PDE4D: variants seen among roughly 807,000 people sequenced by gnomAD.
The protein encoded by PDE4D is phosphodiesterase 4D, also known as 3',5'-cyclic-AMP phosphodiesterase 4D.
In PDE4D, 24 loss-of-function variants were observed where a neutral mutation model predicts 87.4. The observed-to-expected ratio is 0.27, with a 90% CI of 0.20 to 0.39. The LOEUF is 0.39. Ranked by LOEUF, PDE4D falls within the 10% of genes least tolerant of loss-of-function variation. PDE4D has a pLI of 1.00. For synonymous variants in PDE4D, 384 were observed against 383.2 expected (o/e 1.00, Z -0.02); for missense variants, 714 against 1,041.0 (o/e 0.69, Z 4.32).
chr5:59,683,360 A>G (rs1201039481), intron 1 of PDE4D, among the ~76,000 whole-genome samples: 2 of 152,236 alleles, frequency 1.3e-5, no homozygotes, highest in Admixed American at 6.5e-5. Flanking sequence ...GCCACTTTAC[A>G]GTAAATCTGA....
In PDE4D at chr5:60,420,146, A is replaced by G. The variant is rs969492412; in HGVS notation, c.-90+67796T>C. ...AATGCTGGAAGAAGAATAGTACTAG[A>G]CATCATTGCAGTTCAGGTCCTATGG... is the stretch of plus-strand genomic sequence containing the variant. On this transcript the variant is annotated intron_variant, in intron 1 of 16. Transcript: ENST00000502484. Among the ~76,000 whole-genome samples the G allele has an allele frequency of 5.3e-5, 8 of 152,308 alleles. 1 individual carries two copies. The East Asian group carries it at 1.4e-3, about 26-fold the overall frequency.
chr5:60,405,014 C>T (rs936125610), intron 1 of PDE4D, among the ~76,000 whole-genome samples: 2 of 152,222 alleles, frequency 1.3e-5, no homozygotes, highest in Non-Finnish European at 2.9e-5. Flanking sequence ...AATGAAAGAA[C>T]AATAGAGCCT....
In PDE4D at chr5:59,689,844, CCTT is replaced by C. The variant is rs1750598984; in HGVS notation, c.455+203321_455+203323del. Among the ~76,000 whole-genome samples, 3 of 152,190 alleles carry C rather than the reference CCTT, an allele frequency of 2.0e-5. No individual in the cohort carries two copies. The South Asian group carries it at 6.2e-4, about 32-fold the overall frequency. Reference sequence around the variant, plus strand: ...ACCCCATCGTCTCAGCCCAAAATCTCCTTAATCTGATAAGCAACTTCAGCAAAG... The same window carrying C: ...ACCCCATCGTCTCAGCCCAAAATCTCAATCTGATAAGCAACTTCAGCAAAG... On this transcript the variant is annotated intron_variant, in intron 1 of 14. Coordinates refer to ENST00000340635, the MANE Select transcript of PDE4D (RefSeq NM_001104631.2).
intron 2 of PDE4D, among the ~76,000 whole-genome samples, chr5:60,113,600 C>T (rs943656899): frequency 6.6e-6 from 1 of 152,060 alleles, no homozygotes; most frequent in Non-Finnish European, 1.5e-5. Context: ...TGGTTACAGA[C>T]CCCCTGAGTC....
chr5:60,076,316 G>A (rs1773290478), intron 2 of PDE4D, among the ~76,000 whole-genome samples: 2 of 152,016 alleles, frequency 1.3e-5, no homozygotes, highest in South Asian at 4.2e-4. Flanking sequence ...CCACTGCCAT[G>A]CCCGGCTAGT....
intron 1 of PDE4D, chr5:59,275,504 G>A: frequency 1.3e-6 from 2 of 1,494,936 alleles, no homozygotes; most frequent in South Asian, 2.7e-5. Context: ...CCATTTCCAA[G>A]GGAGGCTGCT....
chr5:60,293,095 C>T (rs1432533289), intron 1 of PDE4D, among the ~76,000 whole-genome samples: 3 of 150,004 alleles, frequency 2.0e-5, no homozygotes, highest in African/African-American at 4.9e-5. Context: ...AACCTCTGCC[C>T]CCCCAAGTTC....
At chr5:60,189,851 G>T (rs1251736952) in intron 1 of PDE4D, among the ~76,000 whole-genome samples, 1 of 152,196 alleles carries the variant, frequency 6.6e-6, no homozygotes, top group Non-Finnish European at 1.5e-5. Flanking sequence ...AAACTTTCTT[G>T]ATGCAAAGGG....
intron 5 of PDE4D, among the ~76,000 whole-genome samples, chr5:59,117,773 G>A (rs574020270): frequency 1.1e-3 from 161 of 151,662 alleles, no homozygotes; most frequent in Middle Eastern, 0.01. Context: ...TTTGCACCAT[G>A]GCCATAGACA....
intron 5 of PDE4D, among the ~76,000 whole-genome samples, chr5:59,042,463 G>C (rs1759845042): frequency 6.6e-6 from 1 of 152,140 alleles, no homozygotes; most frequent in Non-Finnish European, 1.5e-5. Context: ...CTTTTACCAA[G>C]AACACATACT....
chr5:60,384,966 C>T (rs963072392), intron 1 of PDE4D, among the ~76,000 whole-genome samples: 3 of 152,182 alleles, frequency 2.0e-5, no homozygotes, highest in Non-Finnish European at 2.9e-5. Context: ...CTTGAATCAT[C>T]GAAAAGTCCT....
chr5:59,945,890 G>T (rs946802712), intron 3 of PDE4D, among the ~76,000 whole-genome samples: 1 of 152,176 alleles, frequency 6.6e-6, no homozygotes, highest in Admixed American at 6.5e-5. Context: ...GGTTTGGTGA[G>T]GCTATTTGCT....
chr5:59,154,752 G>T (rs1779922004), intron 5 of PDE4D, among the ~76,000 whole-genome samples: 1 of 152,094 alleles, frequency 6.6e-6, no homozygotes, highest in African/African-American at 2.4e-5. Context: ...TGGGTGTGAT[G>T]GTGTACACCT....
intron 1 of PDE4D, among the ~76,000 whole-genome samples, chr5:59,633,235 T>G (rs867838521): frequency 6.6e-6 from 1 of 152,128 alleles, no homozygotes; most frequent in Non-Finnish European, 1.5e-5. Flanking sequence ...AATATGGGAC[T>G]ATGTAAAAAG....
intron 1 of PDE4D, among the ~76,000 whole-genome samples, chr5:59,547,005 G>A (rs1022108320): frequency 6.6e-6 from 1 of 152,104 alleles, no homozygotes; most frequent in Admixed American, 6.6e-5. Flanking sequence ...GTTCTTGTGG[G>A]CATTATGCTT....
intron 5 of PDE4D, among the ~76,000 whole-genome samples, chr5:59,174,847 C>T (rs1247612502): frequency 6.6e-6 from 1 of 152,156 alleles, no homozygotes; most frequent in Non-Finnish European, 1.5e-5. Flanking sequence ...CCCTCTCTCA[C>T]TAGGTCTCAG....
At chr5:60,223,662 T>C (rs1256250777) in intron 1 of PDE4D, among the ~76,000 whole-genome samples, 1 of 151,982 alleles carries the variant, frequency 6.6e-6, no homozygotes, top group Non-Finnish European at 1.5e-5. Flanking sequence ...AAAGAATAAA[T>C]GGACACAGGA....
At chr5:59,600,515 A>C (rs1376922366) in intron 1 of PDE4D, among the ~76,000 whole-genome samples, 1 of 152,056 alleles carries the variant, frequency 6.6e-6, no homozygotes, top group Admixed American at 6.5e-5. Context: ...AAGACAGTAC[A>C]TTTTCCTCAT....
At chr5:60,443,404 G>A (rs570096286) in intron 1 of PDE4D, among the ~76,000 whole-genome samples, 2 of 152,288 alleles carry the variant, frequency 1.3e-5, no homozygotes, top group Non-Finnish European at 2.9e-5. Context: ...AACAAAGAAA[G>A]AGGTAAATGG....
Sources: gnomAD v4.1 joint callset for allele counts (sites outside exome capture counted in the v4.1 genomes callset) on GRCh38, gnomAD v4.1.1 for gene constraint, MANE v1.5 for transcripts, NCBI Gene and HGNC (gene_info 2026-07-23, HGNC 2026-07-21) for gene names.